Variants in STRN observed in about 807,000 individuals in gnomAD.
The protein encoded by STRN is protein phosphatase 2 regulatory subunit B'''alpha.
A neutral mutation model predicts 96.3 loss-of-function variants in STRN; 53 were observed. The ratio of observed to expected loss-of-function variants is 0.55; its 90% CI spans 0.44 to 0.69. The LOEUF (loss-of-function observed/expected upper bound fraction) is 0.69. STRN is among the 30% of genes least tolerant of loss of function. The pLI is 0.00. For synonymous variants in STRN, 428 were observed against 355.9 expected (o/e 1.20, Z -2.28); for missense variants, 987 against 963.9 (o/e 1.02, Z -0.32).
At chr2:36,877,533 T>C (rs375465816) in intron 10 of STRN, among the ~76,000 whole-genome samples, 4 of 152,240 alleles carry the variant, frequency 2.6e-5, no homozygotes, top group African/African-American at 9.6e-5. Flanking sequence ...AAATCAACTT[T>C]TTATTTTATT....
rs1221228681 is a variant in STRN, at chr2:36,844,356, T to A, written c.*5100A>T. The A allele has an allele frequency of 6.6e-6, 1 of 152,114 alleles. No homozygotes were observed. Among genetic ancestry groups the A allele is most frequent in the Admixed American group, 6.6e-5 (1 of 15,258 alleles). 9.4% of individuals were successfully genotyped at this position (152,114 alleles called of 1,614,324 possible). A position where few individuals can be genotyped will look rare whatever the true frequency, so the allele number is the denominator to read the frequency against. ...AACAAATTTAGCAGCTCTCTACAAG[T>A]CAATTAAAATACCATTCTCTGAGAC... On this transcript the variant is annotated 3_prime_UTR_variant, in exon 18 of 18. Transcript: ENST00000263918.
In STRN at chr2:36,893,993, C is replaced by T. The variant is rs748865330; in HGVS notation, c.836G>A (p.Arg279Gln). The change falls in exon 7 of 18, where the codon CGA becomes CAA. Residue 279 changes from arginine to glutamine, a missense_variant. Coordinates refer to ENST00000263918, the MANE Select transcript of STRN (RefSeq NM_003162.4). ...KKALPDSGEDRDTKEALKEFD... is the reference protein window; with the variant it reads ...KKALPDSGEDQDTKEALKEFD... ...CTCCTTTAGAGCTTCTTTTGTATCT[C>T]GATCTTCACCGCTGTCAGGCAATGC... 2.5e-6 allele frequency: 4 copies of T among 1,613,182 alleles called. No individual in the cohort carries two copies. Among genetic ancestry groups the T allele is most frequent in the East Asian group, 2.2e-5 (1 of 44,778 alleles).
At chr2:36,944,263 G>A (rs761295735) in intron 1 of STRN, among the ~76,000 whole-genome samples, 3 of 152,050 alleles carry the variant, frequency 2.0e-5, no homozygotes, top group Non-Finnish European at 2.9e-5. Flanking sequence ...ACGAAAAAAC[G>A]TTATAAAGAA....
At chr2:36,950,077 G>A (rs943940633) in intron 1 of STRN, among the ~76,000 whole-genome samples, 1 of 152,094 alleles carries the variant, frequency 6.6e-6, no homozygotes, top group Non-Finnish European at 1.5e-5. Flanking sequence ...AAAAAAAACT[G>A]AAGGTAGTAA....
At chr2:36,903,562 C>T (rs1369097824) in intron 4 of STRN, among the ~76,000 whole-genome samples, 2 of 152,096 alleles carry the variant, frequency 1.3e-5, no homozygotes, top group Admixed American at 6.6e-5. Flanking sequence ...TTAATAAAAA[C>T]GACAGACAAA....
chr2:36,898,765 C>G (rs1669607827), intron 6 of STRN, among the ~76,000 whole-genome samples: 1 of 152,186 alleles, frequency 6.6e-6, no homozygotes, highest in Admixed American at 6.5e-5. Context: ...CTTTCCTCCT[C>G]TCTATTCATA....
chr2:36,920,831 C>T lies in STRN; in HGVS notation c.338+4274G>A, dbSNP rs578130363. ...GTGGCTCACGTCTGTGATCCCAACA[C>T]TTTCGGAGGCCAAGGCGGGCGGATC... On this transcript the variant is annotated intron_variant, in intron 2 of 17. Transcript: ENST00000263918. 4.0e-3 allele frequency among the ~76,000 whole-genome samples: 610 copies of T among 152,106 alleles called. 5 individuals carry two copies. Among genetic ancestry groups the T allele is most frequent in the Non-Finnish European group, 6.2e-3 (424 of 68,002 alleles).
chr2:36,872,986 C>A (rs1318327277), intron 10 of STRN, among the ~76,000 whole-genome samples: 1 of 152,222 alleles, frequency 6.6e-6, no homozygotes. Flanking sequence ...GAGGGGATGG[C>A]TGAGAAGCCG....
At chr2:36,911,555 G>A (rs891415215) in intron 3 of STRN, among the ~76,000 whole-genome samples, 1 of 152,152 alleles carries the variant, frequency 6.6e-6, no homozygotes, top group East Asian at 1.9e-4. Flanking sequence ...GCAACAAACA[G>A]CCTGCAAAAC....
At chr2:36,902,803 A>T in intron 4 of STRN, 52 bp from the exon 5 acceptor site, 1 of 1,416,038 alleles carries the variant, frequency 7.1e-7, no homozygotes, top group Non-Finnish European at 9.6e-7. Flanking sequence ...AGTATTCTAT[A>T]ATTTAATATG....
chr2:36,905,440 G>A, intron 4 of STRN, 100 bp downstream of exon 4: 1 of 1,049,036 alleles, frequency 9.5e-7, no homozygotes, highest in Middle Eastern at 2.0e-4. Context: ...ATCTGTATGA[G>A]ATAAAATATT....
chr2:36,845,998 A>G lies in STRN; in HGVS notation c.*3458T>C, dbSNP rs1364710356. 1 of 36,622 alleles carries G rather than the reference A, an allele frequency of 2.7e-5. No homozygotes were observed. The highest frequency in any genetic ancestry group is 5.0e-5 in the Non-Finnish European group (1 of 19,880). The allele number at this position is 36,622 out of a possible 1,614,324, so 2.3% of individuals were successfully genotyped here. ...TGCCCCCCCTCCCACCCCCTCCCCAAACTCAATCTTCATCCTCACTGTAAG... is the reference window on the plus strand; with the variant it reads ...TGCCCCCCCTCCCACCCCCTCCCCAGACTCAATCTTCATCCTCACTGTAAG... On this transcript the variant is annotated 3_prime_UTR_variant, in exon 18 of 18. Coordinates refer to ENST00000263918, the MANE Select transcript of STRN (RefSeq NM_003162.4).
At chr2:36,862,644 T>C (rs1325885292) in intron 12 of STRN, among the ~76,000 whole-genome samples, 1 of 152,122 alleles carries the variant, frequency 6.6e-6, no homozygotes, top group African/African-American at 2.4e-5. Context: ...TAAGTGATGA[T>C]GAGCATTTTT....
chr2:36,941,941 T>C (rs1026532346), intron 1 of STRN, among the ~76,000 whole-genome samples: 4 of 152,176 alleles, frequency 2.6e-5, no homozygotes, highest in Admixed American at 6.5e-5. Context: ...GTGGTAGATG[T>C]TGTGGGCCGG....
rs1159531782 is a variant in STRN, at chr2:36,957,744, CTTTTTT to C, written c.234+8480_234+8485del. 1.1e-3 allele frequency among the ~76,000 whole-genome samples: 95 copies of C among 89,150 alleles called. 1 individual carries two copies. Among genetic ancestry groups the C allele is most frequent in the African/African-American group, 3.6e-3 (80 of 22,304 alleles). The allele number at this position is 89,150 out of a possible 152,430, so 58.5% of individuals were successfully genotyped here. A position where few individuals can be genotyped will look rare whatever the true frequency, so the allele number is the denominator to read the frequency against. Reference sequence around the variant, plus strand: ...TTAGTCTCATAGTTCTTCTTTTTGTCTTTTTTTTTTTTTTTTTTTTTTTTTTTTGAG... The same window carrying C: ...TTAGTCTCATAGTTCTTCTTTTTGTCTTTTTTTTTTTTTTTTTTTTTTGAG... On this transcript the variant is annotated intron_variant, in intron 1 of 17. Coordinates refer to ENST00000263918, the MANE Select transcript of STRN (RefSeq NM_003162.4).
chr2:36,883,785 G>T, intron 9 of STRN, 147 bp downstream of exon 9: 1 of 779,524 alleles, frequency 1.3e-6, no homozygotes, highest in Non-Finnish European at 1.8e-6. Context: ...TCCCTTGAAT[G>T]TAAGAAAGCT....
chr2:36,853,156 C>A (rs200825529), intron 15 of STRN, among the ~76,000 whole-genome samples: 1 of 150,412 alleles, frequency 6.6e-6, no homozygotes. Context: ...GACTCTGTCT[C>A]AAAAAAAAAT....
chr2:36,934,506 G>C (rs1670652138), intron 1 of STRN, among the ~76,000 whole-genome samples: 1 of 152,156 alleles, frequency 6.6e-6, no homozygotes, highest in Admixed American at 6.5e-5. Context: ...GTATGATTTT[G>C]TTTATGGTTA....
At chr2:36,908,026 C>T (rs993401179) in intron 3 of STRN, among the ~76,000 whole-genome samples, 5 of 151,936 alleles carry the variant, frequency 3.3e-5, no homozygotes, top group African/African-American at 7.2e-5. Flanking sequence ...GGAGCAAAAA[C>T]GCTGCCCCCA....
Sources: gnomAD v4.1 joint callset for allele counts (sites outside exome capture counted in the v4.1 genomes callset) on GRCh38, gnomAD v4.1.1 for gene constraint, MANE v1.5 for transcripts, NCBI Gene and HGNC (gene_info 2026-07-23, HGNC 2026-07-21) for gene names.